Variants in NAA16 observed in about 807,000 individuals in gnomAD.
NAA16 encodes NARG1-like protein.
Under a neutral mutation model 110.3 loss-of-function variants are expected in NAA16, and 97 were observed. The ratio of observed to expected loss-of-function variants is 0.88; its 90% CI spans 0.75 to 1.04. The LOEUF is 1.04. Among genes scored for constraint, NAA16 ranks in the 50% least tolerant of loss-of-function variants. The pLI, the probability that NAA16 is intolerant of heterozygous loss-of-function variation, is 0.00. For missense variants in NAA16, 1,017 were observed against 1,005.1 expected (o/e 1.01, Z -0.16); for synonymous variants, 372 against 330.6 (o/e 1.13, Z -1.36).
chr13:41,312,780 A>T (rs934555604), intron 1 of NAA16, among the ~76,000 whole-genome samples: 10 of 152,188 alleles, frequency 6.6e-5, no homozygotes, highest in African/African-American at 9.7e-5. Flanking sequence ...GATACATAGT[A>T]GATGGGATAA....
chr13:41,329,931 C>T (rs2042190448), intron 7 of NAA16, among the ~76,000 whole-genome samples: 1 of 151,886 alleles, frequency 6.6e-6, no homozygotes, highest in African/African-American at 2.4e-5. Flanking sequence ...TTTTAGGTAA[C>T]TTATGACCTT....
intron 9 of NAA16, among the ~76,000 whole-genome samples, chr13:41,345,339 C>G (rs750826807): frequency 9.2e-5 from 14 of 152,198 alleles, no homozygotes; most frequent in Non-Finnish European, 1.8e-4. Flanking sequence ...TCTGCACATC[C>G]TCATTAACAC....
intron 12 of NAA16, 119 bp downstream of exon 12, chr13:41,359,081 T>G: frequency 1.2e-6 from 1 of 809,768 alleles, no homozygotes; most frequent in Non-Finnish European, 1.7e-6. Flanking sequence ...TCATTTTTAT[T>G]ATTGTTTTTT....
intron 14 of NAA16, among the ~76,000 whole-genome samples, chr13:41,368,744 G>T (rs140085219): frequency 3.3e-5 from 5 of 152,122 alleles, no homozygotes; most frequent in African/African-American, 1.2e-4. Flanking sequence ...ACAATGCAGT[G>T]TAACAACTAT....
At position 41,328,863 on chromosome 13, in the gene NAA16, C is replaced by T; in HGVS notation, c.811+20C>T. ...AAATTAGTATGTAATGATTTTTCTC[C>T]TCTTTCTCATAACTACTGATTGAAG... On this transcript the variant is annotated intron_variant, in intron 7 of 19. Transcript: ENST00000379406. 1 of 1,573,044 alleles carries T rather than the reference C, an allele frequency of 6.4e-7. No homozygotes were observed.
chr13:41,318,734 T>TA lies in NAA16; in HGVS notation c.140-69dup, dbSNP rs1006271296. 11 of 671,596 alleles carry TA rather than the reference T, an allele frequency of 1.6e-5. No homozygotes were observed. The African/African-American group carries it at 1.7e-4, about 10-fold the overall frequency. The allele number at this position is 671,596 out of a possible 1,614,324, so 41.6% of individuals were successfully genotyped here. A position where few individuals can be genotyped will look rare whatever the true frequency, so the allele number is the denominator to read the frequency against. The stretch of plus-strand genomic sequence containing the variant: ...TAGTAATCCTTCAGATCTCAACTAT[T>TA]AAAGTACTATTAAGAGAATAAGAGA... On this transcript the variant is annotated intron_variant, in intron 2 of 19. Coordinates refer to ENST00000379406, the MANE Select transcript of NAA16 (RefSeq NM_024561.5).
chr13:41,352,974 G>C (rs551161789), intron 9 of NAA16, among the ~76,000 whole-genome samples: 2 of 151,908 alleles, frequency 1.3e-5, no homozygotes, highest in Non-Finnish European at 2.9e-5. Flanking sequence ...AAAATTAGCC[G>C]GGTGTGGTGG....
chr13:41,319,288 A>G (rs2041886207), intron 3 of NAA16, among the ~76,000 whole-genome samples: 1 of 152,208 alleles, frequency 6.6e-6, no homozygotes, highest in Admixed American at 6.5e-5. Flanking sequence ...GTTATTCCAA[A>G]TACTGACTTT....
At position 41,369,293 on chromosome 13, in the gene NAA16, G is replaced by T; in HGVS notation, c.1947+10G>T. 6.6e-7 allele frequency: 1 copy of T among 1,524,572 alleles called. No individual in the cohort carries two copies. The highest frequency in any genetic ancestry group is 8.7e-7 in the Non-Finnish European group (1 of 1,144,004). 94.4% of individuals were successfully genotyped at this position (1,524,572 alleles called of 1,614,324 possible). Reference sequence around the variant, plus strand: ...TGAAAAATTAGAAAGGGTGAGATGGGTTTTACTATCTTTGTTATTTGGTAA... The same window carrying T: ...TGAAAAATTAGAAAGGGTGAGATGGTTTTTACTATCTTTGTTATTTGGTAA... On this transcript the variant is annotated intron_variant, in intron 15 of 19. Transcript: ENST00000379406.
At chr13:41,319,854 T>C (rs2041903872) in intron 3 of NAA16, among the ~76,000 whole-genome samples, 1 of 151,428 alleles carries the variant, frequency 6.6e-6, no homozygotes, top group Non-Finnish European at 1.5e-5. Flanking sequence ...AGCATTGAAA[T>C]TGATTTTCAT....
At chr13:41,375,005 T>C (rs1278055119) in intron 19 of NAA16, among the ~76,000 whole-genome samples, 166 bp downstream of exon 19, 1 of 152,226 alleles carries the variant, frequency 6.6e-6, no homozygotes, top group African/African-American at 2.4e-5. Context: ...TCTTAGCTTC[T>C]TTTTCCTCAT....
intron 17 of NAA16, 103 bp downstream of exon 17, chr13:41,372,933 T>C: frequency 6.5e-6 from 8 of 1,238,678 alleles, no homozygotes; most frequent in Non-Finnish European, 8.2e-6. Context: ...ACCCTCTCTT[T>C]GTGAAGTAAA....
chr13:41,319,839 G>T (rs1166947989), intron 3 of NAA16, among the ~76,000 whole-genome samples: 2 of 152,084 alleles, frequency 1.3e-5, no homozygotes, highest in East Asian at 3.9e-4. Context: ...TTTTTTAAAG[G>T]GTGGAGCATT....
chr13:41,328,531 A>G (rs984125801), intron 6 of NAA16, among the ~76,000 whole-genome samples, 193 bp from the exon 7 acceptor site: 15 of 152,124 alleles, frequency 9.9e-5, no homozygotes, highest in African/African-American at 3.6e-4. Flanking sequence ...GGAGCCAAAA[A>G]TAAAGGTACA....
At chr13:41,374,419 ATTTTAT>A (rs1290713123) in intron 18 of NAA16, 1 of 184,066 alleles carries the variant, frequency 5.4e-6, no homozygotes, top group Non-Finnish European at 1.1e-5. Flanking sequence ...TACATTCTCA[ATTTTAT>A]TTCTAAGGGG....
At chr13:41,342,600 G>T (rs2042582000) in intron 9 of NAA16, among the ~76,000 whole-genome samples, 1 of 152,074 alleles carries the variant, frequency 6.6e-6, no homozygotes, top group Non-Finnish European at 1.5e-5. Context: ...ATCAAAACTA[G>T]AAACAAACAA....
At chr13:41,317,014 T>C in intron 2 of NAA16, 84 bp downstream of exon 2, 2 of 944,990 alleles carry the variant, frequency 2.1e-6, no homozygotes, top group Non-Finnish European at 3.5e-6. Context: ...ATTTCCCCGA[T>C]TCCAGGGCCT....
rs199616369 is a variant in NAA16 at position 41,340,705 on chromosome 13, T to G, written c.1014+3949T>G. On this transcript the variant is annotated intron_variant, in intron 9 of 19. Transcript: ENST00000379406. The stretch of plus-strand genomic sequence containing the variant: ...TTTTTTTTTTTTCCGAGACGGAGTC[T>G]CTCTCATTGCGCCCAGGCTGGAGTG... Among the ~76,000 whole-genome samples, 11 of 113,092 alleles carry G rather than the reference T, an allele frequency of 9.7e-5. No individual in the cohort carries two copies. The East Asian group carries it at 3.1e-3, about 32-fold the overall frequency. The allele number at this position is 113,092 out of a possible 152,430, so 74.2% of individuals were successfully genotyped here.
chr13:41,345,739 T>A (rs9562290), intron 9 of NAA16, among the ~76,000 whole-genome samples: 13,564 of 152,162 alleles, frequency 0.089, 755 homozygotes, highest in East Asian at 0.23. Flanking sequence ...TGCGCTACCG[T>A]GCCTGGCTCA....
Sources: gnomAD v4.1 joint callset for allele counts (sites outside exome capture counted in the v4.1 genomes callset) on GRCh38, gnomAD v4.1.1 for gene constraint, MANE v1.5 for transcripts, NCBI Gene and HGNC (gene_info 2026-07-23, HGNC 2026-07-21) for gene names.